Variants in MMRN1 observed in about 807,000 individuals in gnomAD.
MMRN1 encodes the protein multimerin 1.
MMRN1 carries 94 observed loss-of-function variants against 100.7 expected under a neutral mutation model. The ratio of observed to expected loss-of-function variants is 0.93; its 90% CI spans 0.79 to 1.11. MMRN1 has a LOEUF of 1.11. MMRN1 is among the 50% of genes least tolerant of loss of function. The probability of loss-of-function intolerance (pLI) is 0.00; values close to 1 mark genes in which losing one functional copy is unlikely to be tolerated. For synonymous variants in MMRN1, 575 were observed against 505.0 expected (o/e 1.14, Z -1.86); for missense variants, 1,606 against 1,439.1 (o/e 1.12, Z -1.88).
chr4:89,919,091 A>G (rs888631544), intron 3 of MMRN1, among the ~76,000 whole-genome samples: 3 of 151,772 alleles, frequency 2.0e-5, no homozygotes, highest in Non-Finnish European at 1.5e-5. Context: ...TTGCAATGAT[A>G]TTCCTAGATC....
chr4:89,930,962 G>C (rs1380207279), intron 5 of MMRN1, among the ~76,000 whole-genome samples: 1 of 152,038 alleles, frequency 6.6e-6, no homozygotes, highest in Non-Finnish European at 1.5e-5. Context: ...TATCTTAATT[G>C]TGGCTAGTTA....
chr4:89,927,686 T>C, intron 4 of MMRN1, 109 bp from the exon 5 acceptor site: 1 of 918,916 alleles, frequency 1.1e-6, no homozygotes, highest in African/African-American at 1.7e-5. Context: ...ATCTTTGTTG[T>C]GCTCCAGCTT....
Position 89,934,905 on chromosome 4 carries a change from C to T in MMRN1, c.1225C>T (p.Leu409Phe), listed in dbSNP as rs1722554252. The change falls in exon 6 of 8, where the codon CTC becomes TTC. Residue 409 changes from leucine to phenylalanine, a missense_variant. Coordinates refer to ENST00000264790, the MANE Select transcript of MMRN1 (RefSeq NM_007351.3). ...TGACATGCAAGAGACTGTAGCACAG[C>T]TCTTCAAGACTGTATCAAGTCTATC... Reference protein sequence around the residue: ...QNDMQETVAQLFKTVSSLSED... With the variant: ...QNDMQETVAQFFKTVSSLSED... 6.2e-7 allele frequency: 1 copy of T among 1,611,208 alleles called. No individual in the cohort carries two copies. Among genetic ancestry groups the T allele is most frequent in the Non-Finnish European group, 8.5e-7 (1 of 1,178,848 alleles).
chr4:89,920,664 G>A (rs1722059290), intron 3 of MMRN1, among the ~76,000 whole-genome samples: 1 of 151,478 alleles, frequency 6.6e-6, no homozygotes, highest in Non-Finnish European at 1.5e-5. Context: ...ATTGATTTCT[G>A]GATTGCAATT....
At position 89,880,450 on chromosome 4, in the gene MMRN1, G is replaced by A. The variant is rs568751648; in HGVS notation, c.-249+848G>A. Reference sequence around the variant, plus strand: ...TATAATTACCTAAAGAAGGAAATCAGTATTAATCTGCCCTTCTATTGGCAT... The same window carrying A: ...TATAATTACCTAAAGAAGGAAATCAATATTAATCTGCCCTTCTATTGGCAT... On this transcript the variant is annotated intron_variant, in intron 1 of 8. Coordinates refer to the MMRN1 transcript ENST00000394980. Among the ~76,000 whole-genome samples the A allele has an allele frequency of 1.1e-4, 17 of 152,232 alleles. 1 individual carries two copies. Among genetic ancestry groups the A allele is most frequent in the Middle Eastern group, 6.8e-3 (2 of 294 alleles).
intron 4 of MMRN1, among the ~76,000 whole-genome samples, chr4:89,927,391 T>C (rs879786779): frequency 2.6e-5 from 4 of 152,146 alleles, no homozygotes; most frequent in Non-Finnish European, 5.9e-5. Flanking sequence ...GTAAATGAGA[T>C]TACTTTTTTT....
intron 1 of MMRN1, among the ~76,000 whole-genome samples, chr4:89,888,377 T>C (rs1720982629): frequency 6.6e-6 from 1 of 151,780 alleles, no homozygotes; most frequent in South Asian, 2.1e-4. Flanking sequence ...TCTATTGCTC[T>C]CTCTCATCTA....
intron 6 of MMRN1, among the ~76,000 whole-genome samples, chr4:89,947,913 C>T (rs558643152): frequency 2.6e-5 from 4 of 152,192 alleles, no homozygotes; most frequent in South Asian, 2.1e-4. Flanking sequence ...AGTGCAGTGG[C>T]GTGACCCTGG....
At position 89,898,510 on chromosome 4, in the gene MMRN1, C is replaced by T. The variant is rs535123520; in HGVS notation, c.623+2916C>T. 5.9e-5 allele frequency among the ~76,000 whole-genome samples: 9 copies of T among 151,932 alleles called. No homozygotes were observed. The South Asian group carries it at 1.9e-3, about 32-fold the overall frequency. ...AGCGTGACCAGTTCACTTCCCAGCT[C>T]GTGAGGCTTCACAGGCTATTGGTTG... On this transcript the variant is annotated intron_variant, in intron 1 of 7. Transcript: ENST00000264790.
chr4:89,950,665 G>A (rs555155798), intron 6 of MMRN1, among the ~76,000 whole-genome samples: 194 of 151,790 alleles, frequency 1.3e-3, no homozygotes, highest in African/African-American at 4.3e-3. Flanking sequence ...TACATTCTCC[G>A]TTTTTTAACT....
At chr4:89,905,825 A>G (rs1178122835) in intron 1 of MMRN1, among the ~76,000 whole-genome samples, 3 of 151,496 alleles carry the variant, frequency 2.0e-5, no homozygotes, top group Non-Finnish European at 3.0e-5. Context: ...TCTTACCTTG[A>G]CTTCTAATGA....
Position 89,953,541 on chromosome 4 carries a change from A to T in MMRN1, c.*123A>T. 2.6e-6 allele frequency: 2 copies of T among 756,586 alleles called. No homozygotes were observed. Among genetic ancestry groups the T allele is most frequent in the Non-Finnish European group, 4.0e-6 (2 of 498,846 alleles). The allele number at this position is 756,586 out of a possible 1,614,324, so 46.9% of individuals were successfully genotyped here. On this transcript the variant is annotated 3_prime_UTR_variant, in exon 8 of 8. Transcript: ENST00000264790. ...GAAATGAAAATCAACTTGTTTTTTT[A>T]ATATGAGTAAACTTGTATGTCTATT...
At chr4:89,925,999 T>C (rs572693794) in intron 4 of MMRN1, among the ~76,000 whole-genome samples, 1 of 152,328 alleles carries the variant, frequency 6.6e-6, no homozygotes, top group South Asian at 2.1e-4. Flanking sequence ...TGTGTATATA[T>C]ACCACATTTT....
At chr4:89,887,662 T>A (rs903927193) in intron 1 of MMRN1, among the ~76,000 whole-genome samples, 2 of 152,098 alleles carry the variant, frequency 1.3e-5, no homozygotes, top group East Asian at 3.9e-4. Context: ...ATTTTTAAAC[T>A]ACATTTTTGT....
At chr4:89,886,715 T>C (rs759494016) in intron 1 of MMRN1, among the ~76,000 whole-genome samples, 2 of 152,156 alleles carry the variant, frequency 1.3e-5, no homozygotes, top group Non-Finnish European at 2.9e-5. Context: ...TTTTTTTATT[T>C]TTTATTTTTA....
At position 89,935,229 on chromosome 4, in the gene MMRN1, C is replaced by T; in HGVS notation, c.1549C>T (p.His517Tyr). ...NKTLSKLKEV[H>Y]EQLLSTEQVS... ...AACTCTTTCTAAATTGAAGGAAGTA[C>T]ATGAGCAGCTTTTATCAACTGAACA... Residue 517 changes from histidine (H) to tyrosine (Y), a missense_variant, in exon 6 of 8, where the codon CAT (histidine) becomes TAT (tyrosine). Transcript: ENST00000264790. The T allele has an allele frequency of 6.2e-7, 1 of 1,613,594 alleles. No individual in the cohort carries two copies. The highest frequency in any genetic ancestry group is 8.5e-7 in the Non-Finnish European group (1 of 1,179,750).
chr4:89,895,696 A>G lies in MMRN1; in HGVS notation c.623+102A>G, dbSNP rs1721184439. ...CCCAGAAAATTATTTCAAATTCAAGATGAAATTGGATCATATTTATAATTT... is the reference window on the plus strand; with the variant it reads ...CCCAGAAAATTATTTCAAATTCAAGGTGAAATTGGATCATATTTATAATTT... On this transcript the variant is annotated intron_variant, in intron 1 of 7. Coordinates refer to ENST00000264790, the MANE Select transcript of MMRN1 (RefSeq NM_007351.3). 2.8e-6 allele frequency: 4 copies of G among 1,431,396 alleles called. No homozygotes were observed. The South Asian group carries it at 4.6e-5, about 16-fold the overall frequency. The allele number at this position is 1,431,396 out of a possible 1,614,324, so 88.7% of individuals were successfully genotyped here.
intron 2 of MMRN1, among the ~76,000 whole-genome samples, chr4:89,911,128 A>T (rs1156513477): frequency 3.3e-5 from 5 of 151,488 alleles, no homozygotes; most frequent in African/African-American, 1.2e-4. Context: ...GCAAGATAGT[A>T]TGTACCCATT....
chr4:89,903,896 A>C (rs1412903314), intron 1 of MMRN1, among the ~76,000 whole-genome samples: 1 of 80,244 alleles, frequency 1.2e-5, no homozygotes, highest in East Asian at 3.2e-4. Context: ...ATTCAGGATT[A>C]GAAAAAAAAA....
Sources: allele counts gnomAD v4.1 joint callset (sites outside exome capture counted in the v4.1 genomes callset), GRCh38; gene constraint gnomAD v4.1.1; transcripts MANE v1.5; gene names NCBI Gene and HGNC (gene_info 2026-07-23, HGNC 2026-07-21).